IMPG2: variants seen among roughly 807,000 people sequenced by gnomAD.
The protein encoded by IMPG2 is interphotoreceptor matrix proteoglycan 2, also known as IPM 200.
In IMPG2, 91 loss-of-function variants were observed where a neutral mutation model predicts 129.2. The ratio of observed to expected loss-of-function variants is 0.70; its 90% CI spans 0.59 to 0.84. The LOEUF (loss-of-function observed/expected upper bound fraction) is 0.84. Among genes scored for constraint, IMPG2 ranks in the 40% least tolerant of loss-of-function variants. The pLI is 0.00. For missense variants in IMPG2, 1,430 were observed against 1,461.7 expected (o/e 0.98, Z 0.35); for synonymous variants, 510 against 517.7 (o/e 0.99, Z 0.20).
At chr3:101,278,632 T>C (rs1706862280) in intron 4 of IMPG2, among the ~76,000 whole-genome samples, 1 of 152,006 alleles carries the variant, frequency 6.6e-6, no homozygotes, top group Non-Finnish European at 1.5e-5. Context: ...GGAGCTGGTA[T>C]GGGAGGGTAA....
In IMPG2 at chr3:101,245,369, G is replaced by A. The variant is rs531906892; in HGVS notation, c.1543+433C>T. Among the ~76,000 whole-genome samples the A allele has an allele frequency of 5.3e-5, 8 of 151,606 alleles. No homozygotes were observed. In the South Asian group the frequency reaches 1.5e-3, roughly 28 times the overall value. On this transcript the variant is annotated intron_variant, in intron 12 of 18. Transcript: ENST00000193391. ...ATCTCTGCTGTGGCTCCATGATTTC[G>A]CTTCTTCCCTTCACAATACTACTAC...
intron 16 of IMPG2, 26 bp from the exon 17 acceptor site, chr3:101,229,616 G>C: frequency 1.2e-6 from 2 of 1,601,038 alleles, no homozygotes; most frequent in South Asian, 1.1e-5. Flanking sequence ...GATGGATTCA[G>C]GCTCTTGTTT....
chr3:101,232,186 A>C (rs890902153), intron 15 of IMPG2, among the ~76,000 whole-genome samples: 1 of 151,134 alleles, frequency 6.6e-6, no homozygotes, highest in African/African-American at 2.4e-5. Context: ...CAATACAAAG[A>C]TCTCCATCTG....
chr3:101,243,480 G>C, intron 13 of IMPG2, 49 bp downstream of exon 13: 2 of 1,538,052 alleles, frequency 1.3e-6, no homozygotes, highest in Non-Finnish European at 1.8e-6. Context: ...GGAGGAGTCG[G>C]TCATACATGA....
intron 4 of IMPG2, among the ~76,000 whole-genome samples, chr3:101,285,046 T>C (rs146588881): frequency 6.6e-6 from 1 of 152,324 alleles, no homozygotes; most frequent in African/African-American, 2.4e-5. Context: ...ACAAGTCTCA[T>C]TAAGTTTTGT....
At chr3:101,304,998 AATC>A (rs1397586546) in intron 2 of IMPG2, among the ~76,000 whole-genome samples, 1 of 152,108 alleles carries the variant, frequency 6.6e-6, no homozygotes, top group South Asian at 2.1e-4. Context: ...AGAAAATAAT[AATC>A]TTTTTTATAC....
chr3:101,294,830 T>C (rs1358821695), intron 3 of IMPG2, among the ~76,000 whole-genome samples: 2 of 152,276 alleles, frequency 1.3e-5, no homozygotes, highest in Non-Finnish European at 2.9e-5. Context: ...GATTTGCTTT[T>C]CTCAAATGAC....
chr3:101,315,435 C>T (rs1027145168), intron 2 of IMPG2, among the ~76,000 whole-genome samples: 3 of 152,018 alleles, frequency 2.0e-5, no homozygotes, highest in African/African-American at 7.2e-5. Context: ...CACGTGGGTG[C>T]CTGAAATAGT....
chr3:101,284,849 T>C (rs1296910157), intron 4 of IMPG2, among the ~76,000 whole-genome samples: 1 of 152,200 alleles, frequency 6.6e-6, no homozygotes, highest in Non-Finnish European at 1.5e-5. Flanking sequence ...TATTTCATAA[T>C]TTAACCTTTT....
intron 14 of IMPG2, among the ~76,000 whole-genome samples, chr3:101,241,794 G>A (rs1412810461): frequency 5.9e-5 from 9 of 152,032 alleles, no homozygotes; most frequent in Admixed American, 2.0e-4. Context: ...TTGGGAGGCC[G>A]AGGTAGGTGG....
intron 2 of IMPG2, among the ~76,000 whole-genome samples, chr3:101,316,618 A>G (rs1012487785): frequency 6.6e-6 from 1 of 152,128 alleles, no homozygotes; most frequent in Non-Finnish European, 1.5e-5. Context: ...CCAAGTGTTG[A>G]GAGGATGTGA....
chr3:101,241,503 C>A (rs1333356702), intron 14 of IMPG2, among the ~76,000 whole-genome samples: 1 of 152,074 alleles, frequency 6.6e-6, no homozygotes, highest in East Asian at 1.9e-4. Flanking sequence ...GGCTACTGAA[C>A]CAGACAGCCA....
chr3:101,257,068 A>G (rs951290150), intron 10 of IMPG2, among the ~76,000 whole-genome samples: 1 of 152,060 alleles, frequency 6.6e-6, no homozygotes, highest in African/African-American at 2.4e-5. Context: ...ATTATCTGAG[A>G]TTCTGCATGG....
chr3:101,272,998 A>G (rs952719577), intron 7 of IMPG2, among the ~76,000 whole-genome samples: 8 of 152,198 alleles, frequency 5.3e-5, no homozygotes, highest in Admixed American at 5.2e-4. Flanking sequence ...CTTGAGTTTA[A>G]GTCCTATATA....
In IMPG2 at chr3:101,319,471, T is replaced by A. The variant is rs567239545; in HGVS notation, c.334+113A>T. ...ATTCTTAGCAGTAGAAAGGTAGTTT[T>A]GGCTCAGTCCTGTCTAAATTATCGT... On this transcript the variant is annotated intron_variant, in intron 2 of 18. Coordinates refer to ENST00000193391, the MANE Select transcript of IMPG2 (RefSeq NM_016247.4). The A allele has an allele frequency of 5.5e-5, 68 of 1,227,354 alleles. 1 individual carries two copies. In the South Asian group the frequency reaches 8.0e-4, roughly 14 times the overall value. 76.0% of individuals were successfully genotyped at this position (1,227,354 alleles called of 1,614,324 possible).
chr3:101,242,846 C>T lies in IMPG2; in HGVS notation c.2864G>A (p.Arg955Lys). The change falls in exon 14 of 19, where the codon AGA becomes AAA. Residue 955 changes from arginine to lysine, a missense_variant. Arg to Lys is a conservative substitution (Grantham distance 26). Transcript: ENST00000193391. ...GFQNLEILNF[R>K]NGSIVVNSRM... Reference sequence around the variant, plus strand: ...ACTGTTCACCACAATGCTGCCATTTCTGAAGTTGAGGATTTCTAAGTTCTG... The same window carrying T: ...ACTGTTCACCACAATGCTGCCATTTTTGAAGTTGAGGATTTCTAAGTTCTG... The T allele has an allele frequency of 6.2e-7, 1 of 1,614,076 alleles. No homozygotes were observed. Among genetic ancestry groups the T allele is most frequent in the Non-Finnish European group, 8.5e-7 (1 of 1,179,968 alleles).
At chr3:101,284,083 T>C (rs1206600709) in intron 4 of IMPG2, among the ~76,000 whole-genome samples, 1 of 152,088 alleles carries the variant, frequency 6.6e-6, no homozygotes, top group East Asian at 1.9e-4. Flanking sequence ...TCTTGATGGA[T>C]TGGATGTGAG....
At position 101,269,597 on chromosome 3, in the gene IMPG2, G is replaced by A. The variant is rs375042956; in HGVS notation, c.829-24C>T. The A allele has an allele frequency of 1.0e-4, 143 of 1,371,638 alleles. No individual in the cohort carries two copies. The African/African-American group carries it at 1.7e-3, about 16-fold the overall frequency. The allele number at this position is 1,371,638 out of a possible 1,614,324, so 85.0% of individuals were successfully genotyped here. On this transcript the variant is annotated intron_variant, in intron 7 of 18. Transcript: ENST00000193391. ...ACCTGTTAAAAGTACAAATAAAAAT[G>A]ATAACTATGTAAAAATATGGAAAAA...
Position 101,319,811 on chromosome 3 carries a change from T to C in IMPG2, c.107A>G (p.Glu36Gly). ...TGCACTCTTGGGTTCTTGGATCTCC[T>C]CTATAGATAAGTAGGTTTGTGCTAC... ...SLTAQTYLSI[E>G]EIQEPKSAVS... Residue 36 changes from glutamate (E) to glycine (G), a missense_variant, in exon 2 of 19, where the codon GAG (glutamate) becomes GGG (glycine). By Grantham distance (98) the Glu-to-Gly change is moderately conservative. Coordinates refer to ENST00000193391, the MANE Select transcript of IMPG2 (RefSeq NM_016247.4). The C allele has an allele frequency of 6.2e-7, 1 of 1,612,600 alleles. No individual in the cohort carries two copies. Among genetic ancestry groups the C allele is most frequent in the Admixed American group, 1.7e-5 (1 of 59,902 alleles).
Sources: allele counts gnomAD v4.1 joint callset (sites outside exome capture counted in the v4.1 genomes callset), GRCh38; gene constraint gnomAD v4.1.1; transcripts MANE v1.5; gene names NCBI Gene and HGNC (gene_info 2026-07-23, HGNC 2026-07-21).